Variants in GIGYF2 observed in about 807,000 individuals in gnomAD.
GIGYF2 encodes GRB10-interacting GYF protein 2.
A neutral mutation model predicts 208.1 loss-of-function variants in GIGYF2; 25 were observed. The observed-to-expected ratio is 0.12, with a 90% CI of 0.09 to 0.17. GIGYF2 has a LOEUF of 0.17. GIGYF2 is among the 10% of genes least tolerant of loss of function. The probability of loss-of-function intolerance (pLI) is 1.00; values close to 1 mark genes in which losing one functional copy is unlikely to be tolerated. For synonymous variants in GIGYF2, 534 were observed against 543.8 expected, an observed-to-expected ratio of 0.98 and a Z score of 0.25; for missense variants, 1,302 against 1,579.4, an observed-to-expected ratio of 0.82 and a Z score of 2.98.
In GIGYF2 at chr2:232,747,694, T is replaced by C. The variant is rs1321401957; in HGVS notation, c.121T>C (p.Tyr41His). ...PALPKYKLAD[Y>H]RYGREEMLAL... Reference sequence around the variant, plus strand: ...ATTGCCGAAGTATAAATTAGCAGATTATCGTTACGGCAGAGAAGAAATGTT... The same window carrying C: ...ATTGCCGAAGTATAAATTAGCAGATCATCGTTACGGCAGAGAAGAAATGTT... The change falls in exon 4 of 29, where the codon TAT becomes CAT. Residue 41 changes from tyrosine (Y) to histidine (H), a missense_variant. Coordinates refer to ENST00000373563, the MANE Select transcript of GIGYF2 (RefSeq NM_001103146.3). The C allele has an allele frequency of 3.7e-6, 6 of 1,613,940 alleles. No individual in the cohort carries two copies. Among genetic ancestry groups the C allele is most frequent in the Non-Finnish European group, 5.1e-6 (6 of 1,179,830 alleles).
At chr2:232,741,498 A>G (rs1350795814) in intron 3 of GIGYF2, among the ~76,000 whole-genome samples, 1 of 150,332 alleles carries the variant, frequency 6.7e-6, no homozygotes, top group Non-Finnish European at 1.5e-5. Flanking sequence ...GCTGCGGTGC[A>G]GTGGTGTGAT....
chr2:232,720,216 T>C (rs919338973), intron 2 of GIGYF2, among the ~76,000 whole-genome samples: 1 of 152,250 alleles, frequency 6.6e-6, no homozygotes, highest in African/African-American at 2.4e-5. Context: ...GTCCTTGTGA[T>C]AGTTTGCTCA....
At chr2:232,716,053 T>G (rs368036362) in intron 2 of GIGYF2, among the ~76,000 whole-genome samples, 2 of 152,204 alleles carry the variant, frequency 1.3e-5, no homozygotes, top group East Asian at 1.9e-4. Context: ...TTGTCTTGTG[T>G]TCTTTTTGCC....
chr2:232,790,338 G>A (rs542884460), intron 9 of GIGYF2, among the ~76,000 whole-genome samples: 2 of 152,326 alleles, frequency 1.3e-5, no homozygotes, highest in African/African-American at 4.8e-5. Flanking sequence ...AGGATGTCTA[G>A]TGCATTAAGT....
rs762548867 is a variant in GIGYF2, at chr2:232,735,206, G to A, written c.9G>A (p.Ala3=). The A allele has an allele frequency of 1.6e-5, 25 of 1,607,778 alleles. No individual in the cohort carries two copies. The South Asian group carries it at 1.8e-4, about 11-fold the overall frequency. The change falls in exon 3 of 29, where the codon GCG becomes GCA. Residue 3 remains alanine (A), a synonymous_variant. Coordinates refer to ENST00000373563, the MANE Select transcript of GIGYF2 (RefSeq NM_001103146.3). ...TAAAAATACGGAAAAGAATGGCAGC[G>A]GAAACGCAGACACTGAACTTTGGGC... MA[A]ETQTLNFGPE... is the part of the protein sequence containing the mutation.
In GIGYF2 at chr2:232,849,666, C is replaced by T. The variant is rs187813843; in HGVS notation, c.3685-596C>T. Among the ~76,000 whole-genome samples the T allele has an allele frequency of 6.4e-4, 97 of 152,338 alleles. 1 individual carries two copies. Among genetic ancestry groups the T allele is most frequent in the Admixed American group, 1.4e-3 (22 of 15,306 alleles). On this transcript the variant is annotated intron_variant, in intron 27 of 28. Coordinates refer to ENST00000373563, the MANE Select transcript of GIGYF2 (RefSeq NM_001103146.3). ...TCCACTTCTCCCCCACTACTACCAC[C>T]TGTGCCTTCAACTGGCTCATTGGCT...
intron 5 of GIGYF2, among the ~76,000 whole-genome samples, chr2:232,752,269 C>G (rs1293794398): frequency 6.6e-6 from 1 of 152,166 alleles, no homozygotes; most frequent in Non-Finnish European, 1.5e-5. Flanking sequence ...TTGACTAGAT[C>G]TTCCTAGACT....
intron 21 of GIGYF2, among the ~76,000 whole-genome samples, chr2:232,826,833 A>T (rs1357801582): frequency 6.6e-6 from 1 of 152,244 alleles, no homozygotes. Context: ...TCAATGCAGC[A>T]GACTTCACTG....
chr2:232,843,911 C>T, intron 23 of GIGYF2, 135 bp from the exon 24 acceptor site: 1 of 758,718 alleles, frequency 1.3e-6, no homozygotes, highest in Admixed American at 2.2e-5. Flanking sequence ...TTTTTATTTG[C>T]AACAGCAGAA....
At chr2:232,771,343 T>C (rs781442689) in intron 8 of GIGYF2, 1 of 1,612,586 alleles carries the variant, frequency 6.2e-7, no homozygotes, top group Non-Finnish European at 8.5e-7. Flanking sequence ...AGCAATAACT[T>C]TGCAATTACT....
chr2:232,780,694 T>C (rs1699683817), intron 8 of GIGYF2, among the ~76,000 whole-genome samples: 1 of 152,228 alleles, frequency 6.6e-6, no homozygotes, highest in African/African-American at 2.4e-5. Context: ...TTTAAAATCA[T>C]CTTGTTTGTA....
At chr2:232,832,799 G>C (rs1701462700) in intron 21 of GIGYF2, 58 bp from the exon 22 acceptor site, 1 of 1,318,108 alleles carries the variant, frequency 7.6e-7, no homozygotes, top group Admixed American at 2.1e-5. Flanking sequence ...AAGTGAGTCA[G>C]ATTTTTCCCC....
chr2:232,760,131 T>C (rs1287417250), intron 6 of GIGYF2: 1 of 167,296 alleles, frequency 6.0e-6, no homozygotes, highest in Non-Finnish European at 1.3e-5. Flanking sequence ...TTTATGAAAA[T>C]AAAACAATAA....
intron 8 of GIGYF2, chr2:232,771,524 A>T (rs1699246035): frequency 1.8e-6 from 1 of 552,638 alleles, no homozygotes; most frequent in African/African-American, 1.9e-5. Flanking sequence ...TTCACGTTAG[A>T]TGGCATTTAC....
chr2:232,771,739 T>C (rs1056832754), intron 8 of GIGYF2, among the ~76,000 whole-genome samples: 1 of 152,216 alleles, frequency 6.6e-6, no homozygotes, highest in African/African-American at 2.4e-5. Flanking sequence ...AAATATTGTG[T>C]ATAAAGACTA....
intron 5 of GIGYF2, among the ~76,000 whole-genome samples, chr2:232,755,112 T>A (rs1698483437): frequency 6.6e-6 from 1 of 152,218 alleles, no homozygotes; most frequent in Admixed American, 6.5e-5. Context: ...AGAAAGTTAG[T>A]GGAAACCAGT....
At chr2:232,816,504 A>G (rs2106391119) in intron 19 of GIGYF2, among the ~76,000 whole-genome samples, 1 of 152,252 alleles carries the variant, frequency 6.6e-6, no homozygotes, top group East Asian at 1.9e-4. Flanking sequence ...TTCTGATGTT[A>G]CTCTCATGGG....
At chr2:232,750,285 C>A (rs1214261904) in intron 5 of GIGYF2, among the ~76,000 whole-genome samples, 3 of 152,060 alleles carry the variant, frequency 2.0e-5, no homozygotes, top group South Asian at 2.1e-4. Context: ...GGAAAATGCA[C>A]CTTGGACATG....
At chr2:232,759,092 A>G (rs1430515763) in intron 6 of GIGYF2, among the ~76,000 whole-genome samples, 64 of 152,342 alleles carry the variant, frequency 4.2e-4, no homozygotes, top group African/African-American at 1.5e-3. Context: ...TTACCCACAA[A>G]ATAATTTGGT....
Sources: allele counts gnomAD v4.1 joint callset (sites outside exome capture counted in the v4.1 genomes callset), GRCh38; gene constraint gnomAD v4.1.1; transcripts MANE v1.5; gene names NCBI Gene and HGNC (gene_info 2026-07-23, HGNC 2026-07-21).